CEP15: variants seen among roughly 807,000 people sequenced by gnomAD.
CEP15 encodes the protein centrosomal protein 15.
chr3:62,319,437 G>C, the CEP15 span: 1 of 152,100 alleles, frequency 6.6e-6, no homozygotes, highest in South Asian at 2.1e-4. Context: ...CTGTAATTTA[G>C]ACCCCGGAGG....
chr3:62,324,313 A>G, the CEP15 span, among the ~76,000 whole-genome samples: 1 of 152,028 alleles, frequency 6.6e-6, no homozygotes, highest in East Asian at 1.9e-4. Flanking sequence ...AGTTCCCTTG[A>G]GCCCAGGAGT....
chr3:62,326,823 C>T, the CEP15 span, among the ~76,000 whole-genome samples: 2 of 152,274 alleles, frequency 1.3e-5, no homozygotes, highest in Middle Eastern at 3.4e-3. Context: ...CATATTGTTT[C>T]ACCTATAGCT....
the CEP15 span, among the ~76,000 whole-genome samples, chr3:62,327,937 T>C: frequency 1.3e-5 from 2 of 152,200 alleles, no homozygotes; most frequent in African/African-American, 4.8e-5. Flanking sequence ...GGGAAGCCTC[T>C]TCAAGTTAAC....
At chr3:62,331,641 T>A in the CEP15 span, among the ~76,000 whole-genome samples, 1 of 152,142 alleles carries the variant, frequency 6.6e-6, no homozygotes, top group South Asian at 2.1e-4. Context: ...AGGGATCTTT[T>A]CACCTTGTCA....
the CEP15 span, chr3:62,331,214 A>C: frequency 1.2e-6 from 1 of 827,184 alleles, no homozygotes; most frequent in Non-Finnish European, 2.0e-6. Context: ...CATTCAGATT[A>C]TATCCAGAGA....
chr3:62,335,162 G>A, the CEP15 span: 7 of 152,052 alleles, frequency 4.6e-5, no homozygotes, highest in Non-Finnish European at 7.4e-5. Flanking sequence ...TCACCAGTGG[G>A]TTAGATAAAA....
chr3:62,320,115 T>G, the CEP15 span, among the ~76,000 whole-genome samples: 11 of 152,236 alleles, frequency 7.2e-5, no homozygotes, highest in African/African-American at 2.7e-4. Context: ...GTTCCTGTGT[T>G]GAATTTTACA....
chr3:62,321,063 T>C, the CEP15 span, among the ~76,000 whole-genome samples: 8 of 152,206 alleles, frequency 5.3e-5, no homozygotes, highest in Admixed American at 4.6e-4. This position sits in a 1 kb window ranked among gnomAD's most constrained non-coding sequence, Gnocchi z 4.1. Context: ...TACCAAAAAA[T>C]TGACTGTTCA....
At chr3:62,327,933 CCTCTTCAAGTTAA>C in the CEP15 span, among the ~76,000 whole-genome samples, 1 of 152,116 alleles carries the variant, frequency 6.6e-6, no homozygotes, top group South Asian at 2.1e-4. Context: ...TATGGGGAAG[CCTCTTCAAGTTAA>C]CTCTTGAATG....
the CEP15 span, among the ~76,000 whole-genome samples, chr3:62,328,894 C>T: frequency 6.9e-6 from 1 of 143,924 alleles, no homozygotes; most frequent in African/African-American, 2.6e-5. Context: ...GATCAAATTG[C>T]GAAGTTTTTT....
the CEP15 span, among the ~76,000 whole-genome samples, chr3:62,325,019 A>G: frequency 6.6e-6 from 1 of 152,220 alleles, no homozygotes; most frequent in African/African-American, 2.4e-5. Context: ...AGATACAAAA[A>G]TCAATAGTAA....
the CEP15 span, among the ~76,000 whole-genome samples, chr3:62,330,447 G>T: frequency 6.6e-6 from 1 of 152,188 alleles, no homozygotes; most frequent in African/African-American, 2.4e-5. Flanking sequence ...CTGATTTTGG[G>T]AGCATTTATT....
At chr3:62,330,013 T>C in the CEP15 span, among the ~76,000 whole-genome samples, 1 of 152,188 alleles carries the variant, frequency 6.6e-6, no homozygotes, top group South Asian at 2.1e-4. Context: ...ACTTCCGGTA[T>C]GGGATAGACA....
At chr3:62,330,410 A>C in the CEP15 span, among the ~76,000 whole-genome samples, 1 of 152,210 alleles carries the variant, frequency 6.6e-6, no homozygotes, top group Admixed American at 6.5e-5. Context: ...CTTGACAGAC[A>C]TAAGTGGGAA....
the CEP15 span, chr3:62,331,401 T>A: frequency 6.2e-7 from 1 of 1,612,056 alleles, no homozygotes; most frequent in African/African-American, 1.3e-5. Context: ...TCTCTTGAGG[T>A]GAGCATCTTA....
At chr3:62,335,524 T>C in the CEP15 span, 1 of 151,540 alleles carries the variant, frequency 6.6e-6, no homozygotes, top group East Asian at 1.9e-4. Flanking sequence ...ATGTTCCTCA[T>C]GGCAAATTAG....
chr3:62,333,332 T>C, the CEP15 span: 7 of 1,611,928 alleles, frequency 4.3e-6, no homozygotes, highest in South Asian at 7.7e-5. The surrounding 1 kb of genome is among the most constrained non-coding windows in gnomAD (Gnocchi z 4.0). Context: ...CATATCCTTT[T>C]GCTGTTGAAA....
chr3:62,327,366 A>C, the CEP15 span, among the ~76,000 whole-genome samples: 1 of 152,190 alleles, frequency 6.6e-6, no homozygotes, highest in Non-Finnish European at 1.5e-5. Flanking sequence ...TTCTATCAAA[A>C]ATTCGTAATT....
chr3:62,321,125 T>C, the CEP15 span, among the ~76,000 whole-genome samples: 1 of 152,204 alleles, frequency 6.6e-6, no homozygotes, highest in Non-Finnish European at 1.5e-5. This position sits in a 1 kb window ranked among gnomAD's most constrained non-coding sequence, Gnocchi z 4.1. Flanking sequence ...AAACACAGTG[T>C]TTCTTGAGAA....
Sources: allele counts gnomAD v4.1 joint callset (sites outside exome capture counted in the v4.1 genomes callset), GRCh38; gene constraint gnomAD v4.1.1; non-coding constraint Gnocchi (gnomAD v3.1); transcripts MANE v1.5; gene names NCBI Gene and HGNC (gene_info 2026-07-23, HGNC 2026-07-21).